TPM4: variants seen among roughly 807,000 people sequenced by gnomAD.
The protein encoded by TPM4 is tropomyosin alpha-4 chain.
Under a neutral mutation model 35.8 loss-of-function variants are expected in TPM4, and 17 were observed. The observed-to-expected ratio is 0.47, with a 90% CI of 0.32 to 0.71. The LOEUF is 0.71. Among genes scored for constraint, TPM4 ranks in the 30% least tolerant of loss-of-function variants. TPM4 has a pLI of 0.03. For missense variants in TPM4, 240 were observed against 320.9 expected (o/e 0.75, Z 1.93); for synonymous variants, 120 against 122.9 (o/e 0.98, Z 0.15).
At chr19:16,072,927 T>C (rs935475409), upstream of TPM4, among the ~76,000 whole-genome samples, 4 of 151,996 alleles carry the variant, frequency 2.6e-5, no homozygotes, top group South Asian at 2.1e-4. Context: ...TCAAAACAAA[T>C]TGTAACACGC....
At chr19:16,099,078 G>GTGTGTGTGTGTGTGTGTT (rs2090735443) in intron 7 of TPM4, among the ~76,000 whole-genome samples, 1 of 150,308 alleles carries the variant, frequency 6.7e-6, no homozygotes, top group African/African-American at 2.4e-5. Flanking sequence ...CTCTGTGTGT[G>GTGTGTGTGTGTGTGTGTT]TGTGTGTGTG....
chr19:16,067,908 G>C lies in TPM4; in HGVS notation c.114+170G>C, dbSNP rs982653571. On this transcript the variant is annotated intron_variant, in intron 2 of 2. Transcript: ENST00000589897. This position sits in a 1 kb window ranked among gnomAD's most constrained non-coding sequence, Gnocchi z 4.1. ...ATTGCCTTCCTTGGATGGGGTCCTGGGCTGGAAGAGGGGTGACGATCGGAC... is the reference window on the plus strand; with the variant it reads ...ATTGCCTTCCTTGGATGGGGTCCTGCGCTGGAAGAGGGGTGACGATCGGAC... 3.3e-6 allele frequency: 2 copies of C among 606,086 alleles called. No homozygotes were observed. The highest frequency in any genetic ancestry group is 2.2e-5 in the South Asian group (1 of 44,584). The allele number at this position is 606,086 out of a possible 1,614,324, so 37.5% of individuals were successfully genotyped here. A position where few individuals can be genotyped will look rare whatever the true frequency, so the allele number is the denominator to read the frequency against.
chr19:16,101,061 C>T (rs986977795), intron 7 of TPM4: 3 of 400,764 alleles, frequency 7.5e-6, no homozygotes, highest in African/African-American at 2.1e-5. Context: ...ATCCCAGCTA[C>T]TCGGGAGGCT....
chr19:16,076,776 G>A, intron 1 of TPM4, 79 bp downstream of exon 1: 1 of 1,281,854 alleles, frequency 7.8e-7, no homozygotes, highest in Non-Finnish European at 9.9e-7. Context: ...TTCCCGCGCT[G>A]CCCGCCCGCG....
chr19:16,087,751 C>T (rs1191898282), intron 3 of TPM4, among the ~76,000 whole-genome samples: 3 of 151,496 alleles, frequency 2.0e-5, no homozygotes, highest in African/African-American at 7.3e-5. Flanking sequence ...CGTGGTGGCA[C>T]GCGCCTGTAG....
chr19:16,068,755 G>C (rs1009563810), intron 2 of TPM4, among the ~76,000 whole-genome samples: 2 of 151,722 alleles, frequency 1.3e-5, no homozygotes, highest in African/African-American at 4.8e-5. Context: ...GAGCAGTTCT[G>C]TGTGTGTGTG....
chr19:16,076,238 G>T (rs965713904), upstream of TPM4: 5 of 1,546,684 alleles, frequency 3.2e-6, no homozygotes, highest in Non-Finnish European at 4.4e-6. Context: ...CGGGAAGGCG[G>T]GGAGAGCCGC....
intron 4 of TPM4, 98 bp from the exon 5 acceptor site, chr19:16,088,947 T>C: frequency 6.3e-7 from 1 of 1,585,192 alleles, no homozygotes. Flanking sequence ...GGGGGAGCTG[T>C]GTAGGTTTCT....
chr19:16,089,005 A>G (rs369325144), intron 4 of TPM4, 40 bp from the exon 5 acceptor site: 4 of 1,613,100 alleles, frequency 2.5e-6, no homozygotes, highest in Non-Finnish European at 3.4e-6. Flanking sequence ...TGCCGGCTGT[A>G]AGGGAAGATA....
At chr19:16,069,234 T>A (rs2090327441) in intron 2 of TPM4, among the ~76,000 whole-genome samples, 1 of 152,170 alleles carries the variant, frequency 6.6e-6, no homozygotes, top group Non-Finnish European at 1.5e-5. Context: ...CATGTTTAGA[T>A]GAGTGTGTGT....
At chr19:16,088,780 C>A in intron 4 of TPM4, 2 of 1,221,486 alleles carry the variant, frequency 1.6e-6, no homozygotes, top group Non-Finnish European at 2.1e-6. Context: ...GCAGCCTTAC[C>A]CTTGGCAAAA....
At chr19:16,078,911 C>T (rs939313491) in intron 1 of TPM4, among the ~76,000 whole-genome samples, 7 of 150,894 alleles carry the variant, frequency 4.6e-5, no homozygotes, top group African/African-American at 9.7e-5. Flanking sequence ...GCCTGTTTCC[C>T]GACAGCTGGT....
rs948633576 is a variant in TPM4 at position 16,082,040 on chromosome 19, G to A, written c.260G>A (p.Ser87Asn). ...LEEAEKAADE[S>N]ERGMKVIENR... ...GAGGCAGAAAAAGCTGCAGATGAGA[G>A]TGAGAGGTAAGGACGCTTTGAATCT... The change falls in exon 2 of 8, where the codon AGT (serine) becomes AAT (asparagine). Residue 87 changes from serine (S) to asparagine (N), a missense_variant. Coordinates refer to ENST00000643579, the MANE Select transcript of TPM4 (RefSeq NM_003290.3). The A allele has an allele frequency of 6.2e-7, 1 of 1,606,840 alleles. No individual in the cohort carries two copies. The highest frequency in any genetic ancestry group is 1.7e-5 in the Admixed American group (1 of 59,838).
intron 3 of TPM4, among the ~76,000 whole-genome samples, chr19:16,087,117 A>G (rs1291995324): frequency 1.3e-5 from 2 of 152,016 alleles, no homozygotes; most frequent in Non-Finnish European, 2.9e-5. Context: ...ATTTCTAAAA[A>G]TAATAATAAT....
chr19:16,087,049 G>A (rs1416816642), intron 3 of TPM4, among the ~76,000 whole-genome samples: 4 of 152,106 alleles, frequency 2.6e-5, no homozygotes, highest in African/African-American at 4.8e-5. Context: ...CGACCGAGGC[G>A]GGAGGATCAC....
chr19:16,093,952 C>CTT (rs35095689), intron 7 of TPM4, among the ~76,000 whole-genome samples, 199 bp downstream of exon 7: 1,184 of 108,782 alleles, frequency 0.011, 41 homozygotes, highest in African/African-American at 0.024. Flanking sequence ...TTGAATGGCC[C>CTT]TTTTTTTTTT....
At chr19:16,073,938 TA>T (rs71178637), upstream of TPM4, among the ~76,000 whole-genome samples, 791 of 35,630 alleles carry the variant, frequency 0.022, 3 homozygotes, top group African/African-American at 0.075. Flanking sequence ...GAAGACCATG[TA>T]AAAAAAAAAA....
At chr19:16,078,242 G>T in intron 1 of TPM4, 1 of 397,942 alleles carries the variant, frequency 2.5e-6, no homozygotes, top group Non-Finnish European at 4.4e-6. Flanking sequence ...GAATAAATAA[G>T]TTTGCTGGGA....
Position 16,082,053 on chromosome 19 carries a change from A to T in TPM4, c.266+7A>T, listed in dbSNP as rs757957165. On this transcript the variant is annotated splice_region_variant and intron_variant, in intron 2 of 7. Coordinates refer to ENST00000643579, the MANE Select transcript of TPM4 (RefSeq NM_003290.3). ...CTGCAGATGAGAGTGAGAGGTAAGG[A>T]CGCTTTGAATCTGGTGGCATCCGTG... 2 of 1,596,440 alleles carry T rather than the reference A, an allele frequency of 1.3e-6. No homozygotes were observed. Among genetic ancestry groups the T allele is most frequent in the Non-Finnish European group, 1.7e-6 (2 of 1,166,106 alleles).
Sources: gnomAD v4.1 joint callset for allele counts (sites outside exome capture counted in the v4.1 genomes callset) on GRCh38, gnomAD v4.1.1 for gene constraint, Gnocchi (gnomAD v3.1) non-coding constraint, MANE v1.5 for transcripts, NCBI Gene and HGNC (gene_info 2026-07-23, HGNC 2026-07-21) for gene names.